The following YAP1 variants were observed in gnomAD, a reference collection of about 807,000 sequenced individuals.
The protein encoded by YAP1 is transcriptional coactivator YAP1.
A neutral mutation model predicts 56.9 loss-of-function variants in YAP1; 5 were observed. That is an observed-to-expected ratio of 0.09 (90% CI 0.05 to 0.18). YAP1 has a LOEUF of 0.18. YAP1 is among the 10% of genes least tolerant of loss of function. The pLI is 1.00. For synonymous variants in YAP1, 265 were observed against 248.1 expected (o/e 1.07, Z -0.64); for missense variants, 539 against 651.8 (o/e 0.83, Z 1.88).
At chr11:102,187,067 C>T (rs1478085982) in intron 4 of YAP1, among the ~76,000 whole-genome samples, 1 of 152,024 alleles carries the variant, frequency 6.6e-6, no homozygotes, top group African/African-American at 2.4e-5. Context: ...ACTGCGGGGC[C>T]CTCACGGGAA....
rs145934992 is a variant in YAP1 at position 102,132,544 on chromosome 11, T to C, written c.572+18150T>C. Reference sequence around the variant, plus strand: ...GTGAGGACTATGCATTACACAAACATTGTTAACTATAATTGTATCCTGTAT... The same window carrying C: ...GTGAGGACTATGCATTACACAAACACTGTTAACTATAATTGTATCCTGTAT... On this transcript the variant is annotated intron_variant, in intron 2 of 8. Transcript: ENST00000282441. Among the ~76,000 whole-genome samples, 820 of 152,352 alleles carry C rather than the reference T, an allele frequency of 5.4e-3. 9 individuals carry two copies. Among genetic ancestry groups the C allele is most frequent in the African/African-American group, 0.019 (784 of 41,592 alleles).
chr11:102,133,182 C>T (rs902612137), intron 2 of YAP1, among the ~76,000 whole-genome samples: 13 of 152,082 alleles, frequency 8.5e-5, no homozygotes, highest in Admixed American at 3.9e-4. Flanking sequence ...AACAAACAAA[C>T]AAACAATTTG....
intron 2 of YAP1, among the ~76,000 whole-genome samples, chr11:102,146,292 G>A (rs913646711): frequency 1.1e-4 from 17 of 152,116 alleles, no homozygotes; most frequent in African/African-American, 4.1e-4. Context: ...CAAAGTGCGA[G>A]GGTTACAGGC....
At chr11:102,130,516 C>G (rs1591165355) in intron 2 of YAP1, among the ~76,000 whole-genome samples, 1 of 151,972 alleles carries the variant, frequency 6.6e-6, no homozygotes, top group Admixed American at 6.6e-5. Flanking sequence ...TGATTCTCCA[C>G]CTCAGCCTCC....
At chr11:102,222,189 C>T (rs986372612) in intron 6 of YAP1, among the ~76,000 whole-genome samples, 10 of 152,214 alleles carry the variant, frequency 6.6e-5, no homozygotes, top group African/African-American at 7.2e-5. Context: ...ATGGTGGGGC[C>T]GTGCCTCAGT....
chr11:102,145,915 C>G (rs1945298832), intron 2 of YAP1, among the ~76,000 whole-genome samples: 1 of 152,132 alleles, frequency 6.6e-6, no homozygotes, highest in African/African-American at 2.4e-5. Flanking sequence ...TCTTTCAGGA[C>G]AAAAGTGGCT....
intron 2 of YAP1, among the ~76,000 whole-genome samples, chr11:102,125,378 CT>C (rs141361882): frequency 0.012 from 1,418 of 115,186 alleles, 6 homozygotes; most frequent in South Asian, 0.027. Flanking sequence ...CTTTTCTTTT[CT>C]TTTTTTTTTT....
At position 102,227,471 on chromosome 11, in the gene YAP1, G is replaced by T; in HGVS notation, c.1166G>T (p.Gly389Val). The T allele has an allele frequency of 6.2e-7, 1 of 1,611,030 alleles. No individual in the cohort carries two copies. The change falls in exon 8 of 9, where the codon GGC becomes GTC. Residue 389 changes from glycine (G) to valine (V), a missense_variant and splice_region_variant. Transcript: ENST00000282441. ...CTTTAACTGTCATGTTTATGTAGTG[G>T]CACCTATCACTCTCGAGATGAGAGT... ...TNSSDPFLNSGTYHSRDESTD... is the reference protein window; with the variant it reads ...TNSSDPFLNSVTYHSRDESTD...
chr11:102,117,120 A>G (rs1943334768), intron 2 of YAP1, among the ~76,000 whole-genome samples: 1 of 152,174 alleles, frequency 6.6e-6, no homozygotes, highest in South Asian at 2.1e-4. Flanking sequence ...TGAGATTAAT[A>G]TCCTAACCAT....
chr11:102,121,167 G>A (rs1942688), intron 2 of YAP1, among the ~76,000 whole-genome samples: 5 of 152,092 alleles, frequency 3.3e-5, no homozygotes, highest in Middle Eastern at 3.4e-3. Flanking sequence ...GCCAGCCGTC[G>A]TAGCTCACGT....
At chr11:102,175,656 C>T (rs1413857068) in intron 3 of YAP1, among the ~76,000 whole-genome samples, 4 of 152,174 alleles carry the variant, frequency 2.6e-5, no homozygotes, top group Admixed American at 2.6e-4. Context: ...CTCAATGATA[C>T]AGCTTATCGC....
chr11:102,192,075 C>G (rs577783369), intron 4 of YAP1, among the ~76,000 whole-genome samples: 61 of 152,344 alleles, frequency 4.0e-4, no homozygotes, highest in African/African-American at 1.4e-3. Context: ...CCGATCTCAG[C>G]TTTGACCTTT....
chr11:102,192,950 G>A (rs1173403437), intron 4 of YAP1, among the ~76,000 whole-genome samples: 1 of 152,190 alleles, frequency 6.6e-6, no homozygotes, highest in African/African-American at 2.4e-5. Context: ...GTGCTGGGCT[G>A]AATAGTTAAG....
chr11:102,175,591 TATC>T (rs981269809), intron 3 of YAP1, among the ~76,000 whole-genome samples: 1 of 152,154 alleles, frequency 6.6e-6, no homozygotes, highest in East Asian at 1.9e-4. Context: ...ATTGTATAAA[TATC>T]ATAGAGTAGG....
At chr11:102,182,548 T>C (rs1003668813) in intron 3 of YAP1, among the ~76,000 whole-genome samples, 1 of 152,214 alleles carries the variant, frequency 6.6e-6, no homozygotes, top group African/African-American at 2.4e-5. Context: ...AATCCTGCAT[T>C]GAGAATCAAG....
chr11:102,175,894 A>G (rs1169516337), intron 3 of YAP1, among the ~76,000 whole-genome samples: 3 of 152,246 alleles, frequency 2.0e-5, no homozygotes, highest in Non-Finnish European at 4.4e-5. Context: ...TCATTGACTG[A>G]AATGTCATTA....
chr11:102,229,648 C>A, intron 8 of YAP1, 54 bp from the exon 9 acceptor site: 1 of 1,534,158 alleles, frequency 6.5e-7, no homozygotes, highest in Non-Finnish European at 9.0e-7. Context: ...TATGATACAG[C>A]CCTGATGTTA....
chr11:102,116,312 ATATG>A (rs1187347236), intron 2 of YAP1, among the ~76,000 whole-genome samples: 1 of 152,200 alleles, frequency 6.6e-6, no homozygotes. Flanking sequence ...ATATGGGAGA[ATATG>A]TATAGGTTAT....
At chr11:102,192,942 G>A (rs528120156) in intron 4 of YAP1, among the ~76,000 whole-genome samples, 1 of 152,314 alleles carries the variant, frequency 6.6e-6, no homozygotes, top group South Asian at 2.1e-4. Context: ...TGTGGGAAGT[G>A]CTGGGCTGAA....
Sources: allele counts gnomAD v4.1 joint callset (sites outside exome capture counted in the v4.1 genomes callset), GRCh38; gene constraint gnomAD v4.1.1; transcripts MANE v1.5; gene names NCBI Gene and HGNC (gene_info 2026-07-23, HGNC 2026-07-21).